Variants in BCL2L13 observed in about 807,000 individuals in gnomAD.
BCL2L13 encodes the protein bcl-2-like protein 13.
Under a neutral mutation model 25.8 loss-of-function variants are expected in BCL2L13, and 13 were observed. The observed-to-expected ratio is 0.50, with a 90% confidence interval of 0.33 to 0.80. The LOEUF is 0.80. Among genes scored for constraint, BCL2L13 ranks in the 30% least tolerant of loss-of-function variants. The pLI, the probability that BCL2L13 is intolerant of heterozygous loss-of-function variation, is 0.02. For synonymous variants in BCL2L13, 244 were observed against 230.3 expected (o/e 1.06, Z -0.54); for missense variants, 504 against 574.9 (o/e 0.88, Z 1.26).
rs2060460543 is a variant in BCL2L13 at position 17,702,270 on chromosome 22, C to G, written c.484C>G (p.Gln162Glu). 1 of 1,608,598 alleles carries G rather than the reference C, an allele frequency of 6.2e-7. No individual in the cohort carries two copies. Among genetic ancestry groups the G allele is most frequent in the East Asian group, 2.2e-5 (1 of 44,568 alleles). ...TTTGGTGCCTCTGGTTTTGCTACGA[C>G]AAATGCTTTTGGAATTGACAAGACG... Reference protein sequence around the residue: ...KILVPLVLLRQMLLELTRRGQ... With the variant: ...KILVPLVLLREMLLELTRRGQ... Residue 162 changes from glutamine to glutamate, a missense_variant, in exon 6 of 7, where the codon CAA becomes GAA. Transcript: ENST00000317582.
chr22:17,699,712 C>T (rs900373518), intron 5 of BCL2L13, among the ~76,000 whole-genome samples: 2 of 151,764 alleles, frequency 1.3e-5, no homozygotes, highest in African/African-American at 4.8e-5. Flanking sequence ...GGAGTGGATG[C>T]CTGGGGATCT....
At position 17,695,531 on chromosome 22, in the gene BCL2L13, A is replaced by C. The variant is rs530773628; in HGVS notation, c.387-610A>C. Among the ~76,000 whole-genome samples, 5 of 152,268 alleles carry C rather than the reference A, an allele frequency of 3.3e-5. No homozygotes were observed. In the East Asian group the frequency reaches 9.7e-4, roughly 29 times the overall value. On this transcript the variant is annotated intron_variant, in intron 4 of 6. Coordinates refer to ENST00000317582, the MANE Select transcript of BCL2L13 (RefSeq NM_015367.4). ...GAGACGGGGTTTCACCATGTTGGCC[A>C]GGATAGTCTTGATCTCCTGACTTCG... is the stretch of plus-strand genomic sequence containing the variant.
chr22:17,694,268 C>T (rs1267207549), intron 4 of BCL2L13, among the ~76,000 whole-genome samples: 2 of 152,126 alleles, frequency 1.3e-5, no homozygotes, highest in Admixed American at 6.5e-5. Context: ...AGTCACTCAA[C>T]AAATGAGTGA....
rs757782563 is a variant in BCL2L13, at chr22:17,702,332, C to T, written c.546C>T (p.Gly182=). The change falls in exon 6 of 7, where the codon GGC becomes GGT. Residue 182 remains glycine, a synonymous_variant. Coordinates refer to ENST00000317582, the MANE Select transcript of BCL2L13 (RefSeq NM_015367.4). ...QEPLSALLQF[G]VTYLEDYSAE... ...CTTTGAGCGCACTGCTGCAGTTTGG[C>T]GTGACATACCTGGAGGACTATTCGG... The T allele has an allele frequency of 1.3e-5, 21 of 1,611,680 alleles. No individual in the cohort carries two copies. The highest frequency in any genetic ancestry group is 2.7e-5 in the African/African-American group (2 of 74,722).
intron 6 of BCL2L13, among the ~76,000 whole-genome samples, chr22:17,716,773 C>T (rs1345419056): frequency 2.0e-5 from 3 of 152,098 alleles, no homozygotes; most frequent in Non-Finnish European, 2.9e-5. Flanking sequence ...TCAAACTGAG[C>T]CTTTATGTAA....
intron 4 of BCL2L13, among the ~76,000 whole-genome samples, chr22:17,694,959 T>A (rs1363215356): frequency 1.3e-5 from 2 of 152,324 alleles, no homozygotes; most frequent in Middle Eastern, 3.4e-3. Context: ...AGGCTGAGAT[T>A]TGCTGCAATC....
In BCL2L13 at chr22:17,660,295, C is replaced by T. The variant is rs112778746; in HGVS notation, c.121+4463C>T. On this transcript the variant is annotated intron_variant, in intron 2 of 6. Coordinates refer to ENST00000317582, the MANE Select transcript of BCL2L13 (RefSeq NM_015367.4). ...GCAGTTATGCATTTTCAAGAATGTT[C>T]GAAGAAACAAGAATTGATTTTTTGA... is the stretch of plus-strand genomic sequence containing the variant. Among the ~76,000 whole-genome samples the T allele has an allele frequency of 1.1e-3, 156 of 146,322 alleles. 22 individuals carry two copies. The highest frequency in any genetic ancestry group is 2.1e-3 in the Non-Finnish European group (135 of 64,358).
chr22:17,692,314 G>A (rs1230182667), intron 4 of BCL2L13: 5 of 152,160 alleles, frequency 3.3e-5, no homozygotes, highest in Non-Finnish European at 7.4e-5. Context: ...TTTTGTGCAT[G>A]TATGTCTGTG....
rs536045895 is a variant in BCL2L13 at position 17,728,355 on chromosome 22, C to T, written c.*821C>T. Reference sequence around the variant, plus strand: ...ACAGAGAAAATCACATGAAGGAGACCTGGGGTCCCCACTTGTGAGTGCAAC... The same window carrying T: ...ACAGAGAAAATCACATGAAGGAGACTTGGGGTCCCCACTTGTGAGTGCAAC... On this transcript the variant is annotated 3_prime_UTR_variant, in exon 7 of 7. Transcript: ENST00000317582. 2.0e-5 allele frequency: 3 copies of T among 152,328 alleles called. No homozygotes were observed. Among genetic ancestry groups the T allele is most frequent in the African/African-American group, 7.2e-5 (3 of 41,578 alleles). The allele number at this position is 152,328 out of a possible 1,614,324, so 9.4% of individuals were successfully genotyped here. A position where few individuals can be genotyped will look rare whatever the true frequency, so the allele number is the denominator to read the frequency against.
At chr22:17,673,361 C>CTT (rs35861622) in intron 2 of BCL2L13, among the ~76,000 whole-genome samples, 76 of 115,468 alleles carry the variant, frequency 6.6e-4, no homozygotes, top group African/African-American at 2.3e-3. Flanking sequence ...TCTTTTCTTT[C>CTT]TTTTTTTTTT....
intron 1 of BCL2L13, among the ~76,000 whole-genome samples, chr22:17,654,943 T>C (rs1295211028): frequency 6.6e-6 from 1 of 152,142 alleles, no homozygotes; most frequent in East Asian, 1.9e-4. Flanking sequence ...AGGCTGGTCT[T>C]GAACTGCTGG....
chr22:17,631,315 T>G (rs948523138), intron 1 of BCL2L13, among the ~76,000 whole-genome samples: 16 of 151,884 alleles, frequency 1.1e-4, no homozygotes, highest in Admixed American at 1.1e-3. Context: ...AGGCTGTTCT[T>G]GGAACTCCTG....
intron 1 of BCL2L13, among the ~76,000 whole-genome samples, chr22:17,651,322 T>C (rs184128356): frequency 4.6e-5 from 7 of 152,110 alleles, no homozygotes; most frequent in Non-Finnish European, 7.4e-5. Flanking sequence ...GGTAATTTGA[T>C]TGACTTATAC....
At chr22:17,713,068 C>A (rs563826163) in intron 6 of BCL2L13, among the ~76,000 whole-genome samples, 1 of 152,224 alleles carries the variant, frequency 6.6e-6, no homozygotes, top group Admixed American at 6.5e-5. Flanking sequence ...TACATTTAAC[C>A]AGATATAATG....
rs1012693263 is a variant in BCL2L13 at position 17,655,915 on chromosome 22, G to A, written c.121+83G>A. On this transcript the variant is annotated intron_variant, in intron 2 of 6. Coordinates refer to ENST00000317582, the MANE Select transcript of BCL2L13 (RefSeq NM_015367.4). ...AAGTATATGTATCTAATTTATATGT[G>A]TGGTTATCAAATAGTACTAATAAGC... The A allele has an allele frequency of 8.2e-6, 11 of 1,349,340 alleles. No individual in the cohort carries two copies. The East Asian group carries it at 2.8e-4, about 35-fold the overall frequency. 83.6% of individuals were successfully genotyped at this position (1,349,340 alleles called of 1,614,324 possible).
At chr22:17,713,126 G>A (rs890520838) in intron 6 of BCL2L13, among the ~76,000 whole-genome samples, 4 of 152,172 alleles carry the variant, frequency 2.6e-5, no homozygotes, top group Admixed American at 1.3e-4. Flanking sequence ...GTTATGGGTT[G>A]TAATGTGCTT....
chr22:17,686,203 C>T (rs915631495), intron 3 of BCL2L13, among the ~76,000 whole-genome samples: 1 of 151,994 alleles, frequency 6.6e-6, no homozygotes, highest in African/African-American at 2.4e-5. Context: ...AGTCCCAGCA[C>T]TTTGGGAGGC....
rs71201876 is a variant in BCL2L13, at chr22:17,710,067, T to TAAAAA, written c.600+7702_600+7706dup. Among the ~76,000 whole-genome samples the TAAAAA allele has an allele frequency of 7.5e-3, 685 of 91,744 alleles. 20 individuals carry two copies. The highest frequency in any genetic ancestry group is 0.032 in the African/African-American group (630 of 19,666). 60.2% of individuals were successfully genotyped at this position (91,744 alleles called of 152,430 possible). A position where few individuals can be genotyped will look rare whatever the true frequency, so the allele number is the denominator to read the frequency against. On this transcript the variant is annotated intron_variant, in intron 6 of 6. Coordinates refer to ENST00000317582, the MANE Select transcript of BCL2L13 (RefSeq NM_015367.4). Reference sequence around the variant, plus strand: ...CCTGGGTAACAGTAAGACCTTGTCTTAAAAAAAAAAAAAAAAAAAAAAAAA... The same window carrying TAAAAA: ...CCTGGGTAACAGTAAGACCTTGTCTTAAAAAAAAAAAAAAAAAAAAAAAAAAAAAA...
At chr22:17,685,754 C>CTTT (rs2059909181) in intron 3 of BCL2L13, among the ~76,000 whole-genome samples, 1 of 53,996 alleles carries the variant, frequency 1.9e-5, no homozygotes, top group Non-Finnish European at 4.0e-5. Flanking sequence ...ATAATTTTTT[C>CTTT]TTTTTCTTTT....
Sources: gnomAD v4.1 joint callset for allele counts (sites outside exome capture counted in the v4.1 genomes callset) on GRCh38, gnomAD v4.1.1 for gene constraint, MANE v1.5 for transcripts, NCBI Gene and HGNC (gene_info 2026-07-23, HGNC 2026-07-21) for gene names.